CEP170: variants seen among roughly 807,000 people sequenced by gnomAD.
CEP170 encodes centrosomal protein of 170 kDa.
In CEP170, 21 loss-of-function variants were observed where a neutral mutation model predicts 151.9. The ratio of observed to expected loss-of-function variants is 0.14; its 90% CI spans 0.10 to 0.20. The LOEUF is 0.20. CEP170 is among the 10% of genes least tolerant of loss of function. The probability of loss-of-function intolerance (pLI) is 1.00; values close to 1 mark genes in which losing one functional copy is unlikely to be tolerated. For missense variants in CEP170, 964 were observed against 1,892.9 expected (o/e 0.51, Z 9.11); for synonymous variants, 356 against 648.8 (o/e 0.55, Z 6.86).
At chr1:243,220,637 T>A (rs551491258) in intron 3 of CEP170, among the ~76,000 whole-genome samples, 4 of 152,344 alleles carry the variant, frequency 2.6e-5, no homozygotes, top group Non-Finnish European at 5.9e-5. Flanking sequence ...GCATGAATAG[T>A]CTGAAGCAGT....
At chr1:243,154,792 T>C (rs2057405961) in intron 14 of CEP170, among the ~76,000 whole-genome samples, 1 of 152,214 alleles carries the variant, frequency 6.6e-6, no homozygotes. Context: ...ACAACTGTTT[T>C]TTTATTTGGG....
At position 243,165,767 on chromosome 1, in the gene CEP170, T is replaced by A. The variant is rs563482978; in HGVS notation, c.2193A>T (p.Lys731Asn). Residue 731 changes from lysine to asparagine, a missense_variant, in exon 13 of 20, where the codon AAA becomes AAT. By Grantham distance (94) the Lys-to-Asn change is moderately conservative (BLOSUM62 0). Coordinates refer to ENST00000366542, the MANE Select transcript of CEP170 (RefSeq NM_014812.3). ...AAGAAGTTTCCTTATCAGTTTCACTTTTCTCTTTTCCAGGAGCAGAGCTGC... is the reference window on the plus strand; with the variant it reads ...AAGAAGTTTCCTTATCAGTTTCACTATTCTCTTTTCCAGGAGCAGAGCTGC... The part of the protein sequence containing the change: ...HLGSSAPGKE[K>N]SETDKETSLV... 1.2e-6 allele frequency: 2 copies of A among 1,614,066 alleles called. No homozygotes were observed. The highest frequency in any genetic ancestry group is 3.3e-5 in the Admixed American group (2 of 60,030).
chr1:243,132,400 A>G (rs767692300), intron 17 of CEP170, among the ~76,000 whole-genome samples: 1 of 152,224 alleles, frequency 6.6e-6, no homozygotes, highest in Admixed American at 6.5e-5. Context: ...AGTTGATTGC[A>G]TATGTGCCTC....
At chr1:243,225,136 G>A (rs1230767064) in intron 2 of CEP170, 40 bp downstream of exon 2, 1 of 1,263,952 alleles carries the variant, frequency 7.9e-7, no homozygotes, top group South Asian at 1.5e-5. Flanking sequence ...CTAATTTCAA[G>A]TTTTGAATAA....
Position 243,169,698 on chromosome 1 carries a change from A to G in CEP170, c.1773T>C (p.Ala591=). The change falls in exon 12 of 20, where the codon GCT becomes GCC. Residue 591 remains alanine (A), a synonymous_variant. Transcript: ENST00000366542. ...KRWVSQWASL[A]ANHTRHDQEE... ...CTTGATCATGCCTTGTATGATTGGC[A>G]GCCAAACTAGCCCACTGTGAAACCC... The G allele has an allele frequency of 6.2e-7, 1 of 1,613,666 alleles. No individual in the cohort carries two copies. The highest frequency in any genetic ancestry group is 1.3e-5 in the African/African-American group (1 of 75,064).
chr1:243,238,452 C>T (rs2184643), intron 1 of CEP170, among the ~76,000 whole-genome samples: 146,799 of 151,862 alleles, frequency 0.97, 71,166 homozygotes, highest in East Asian at 1. Flanking sequence ...CAGTGAACTG[C>T]CCTGGAAAAA....
intron 6 of CEP170, among the ~76,000 whole-genome samples, 188 bp from the exon 7 acceptor site, chr1:243,199,382 C>T (rs1558567612): frequency 1.3e-5 from 2 of 152,064 alleles, no homozygotes; most frequent in Non-Finnish European, 2.9e-5. Flanking sequence ...TTGGACATGA[C>T]TAAATAAATA....
chr1:243,233,478 A>C (rs1370848705), intron 1 of CEP170, among the ~76,000 whole-genome samples: 1 of 152,050 alleles, frequency 6.6e-6, no homozygotes, highest in Non-Finnish European at 1.5e-5. Context: ...TCACGCCTGT[A>C]ATCCCAGCAC....
At chr1:243,150,689 T>A (rs2056982404) in intron 14 of CEP170, among the ~76,000 whole-genome samples, 1 of 152,144 alleles carries the variant, frequency 6.6e-6, no homozygotes. Flanking sequence ...ACGTGTGAGA[T>A]CTACACAAAA....
At chr1:243,179,927 A>G (rs2059509740) in intron 10 of CEP170, among the ~76,000 whole-genome samples, 1 of 152,236 alleles carries the variant, frequency 6.6e-6, no homozygotes, top group South Asian at 2.1e-4. Context: ...TGACGCAACT[A>G]CTTTAAATAG....
intron 17 of CEP170, among the ~76,000 whole-genome samples, chr1:243,133,417 T>C (rs1242463897): frequency 6.6e-6 from 1 of 152,282 alleles, no homozygotes; most frequent in Non-Finnish European, 1.5e-5. Flanking sequence ...TTCATTTATT[T>C]ATTTCTTTGG....
chr1:243,189,101 G>A (rs749107538), intron 8 of CEP170, among the ~76,000 whole-genome samples: 13 of 152,088 alleles, frequency 8.5e-5, no homozygotes, highest in Non-Finnish European at 1.8e-4. Flanking sequence ...AACTTTGAAG[G>A]ACAACAGTAA....
At chr1:243,255,587 TG>T (rs1384736123), upstream of CEP170, among the ~76,000 whole-genome samples, 1 of 152,246 alleles carries the variant, frequency 6.6e-6, no homozygotes, top group Admixed American at 6.5e-5. Flanking sequence ...CTAGGCTGTT[TG>T]GAAGATTTAG....
chr1:243,254,219 T>A (rs1314600400), intron 1 of CEP170: 2 of 139,268 alleles, frequency 1.4e-5, no homozygotes, highest in African/African-American at 2.6e-5. Flanking sequence ...AATAAATAAA[T>A]AAAACTCTAC....
chr1:243,209,786 TCTC>T (rs1254096778), intron 4 of CEP170, among the ~76,000 whole-genome samples: 12 of 151,946 alleles, frequency 7.9e-5, no homozygotes. Flanking sequence ...TTCACACCAT[TCTC>T]CTACTGAGGT....
chr1:243,126,228 A>C lies in CEP170; in HGVS notation c.*221T>G, dbSNP rs1463549434. 1.5e-6 allele frequency: 1 copy of C among 657,854 alleles called. No homozygotes were observed. Among genetic ancestry groups the C allele is most frequent in the East Asian group, 3.1e-5 (1 of 32,592 alleles). The allele number at this position is 657,854 out of a possible 1,614,324, so 40.8% of individuals were successfully genotyped here. A position where few individuals can be genotyped will look rare whatever the true frequency, so the allele number is the denominator to read the frequency against. ...AAACCACAAAAGGCGACACTGCCAC[A>C]ATCTGCTTTTTCCTATTTGTGCATC... On this transcript the variant is annotated 3_prime_UTR_variant, in exon 20 of 20. Coordinates refer to ENST00000366542, the MANE Select transcript of CEP170 (RefSeq NM_014812.3).
intron 10 of CEP170, among the ~76,000 whole-genome samples, chr1:243,178,112 T>C (rs897017920): frequency 2.6e-5 from 4 of 151,942 alleles, no homozygotes; most frequent in Non-Finnish European, 5.9e-5. Flanking sequence ...GTGGATCACC[T>C]GAGGTCAGGA....
chr1:243,240,045 G>T (rs1262810592), intron 1 of CEP170, among the ~76,000 whole-genome samples: 1 of 152,062 alleles, frequency 6.6e-6, no homozygotes, highest in Non-Finnish European at 1.5e-5. Flanking sequence ...ATACAATCTG[G>T]CCGGGCTGTA....
intron 1 of CEP170, among the ~76,000 whole-genome samples, chr1:243,245,730 C>CAAACAAA (rs550718551): frequency 6.6e-6 from 1 of 150,532 alleles, no homozygotes; most frequent in African/African-American, 2.4e-5. Flanking sequence ...ACAAAACAAA[C>CAAACAAA]AAACAAAAAA....
Sources: gnomAD v4.1 joint callset for allele counts (sites outside exome capture counted in the v4.1 genomes callset) on GRCh38, gnomAD v4.1.1 for gene constraint, MANE v1.5 for transcripts, NCBI Gene and HGNC (gene_info 2026-07-23, HGNC 2026-07-21) for gene names.